ETV6: variants seen among roughly 807,000 people sequenced by gnomAD.
The protein encoded by ETV6 is transcription factor ETV6.
Under a neutral mutation model 51.1 loss-of-function variants are expected in ETV6, and 16 were observed. The ratio of observed to expected loss-of-function variants is 0.31; its 90% CI spans 0.21 to 0.48. The LOEUF (loss-of-function observed/expected upper bound fraction) is 0.48. Ranked by LOEUF, ETV6 falls within the 20% of genes least tolerant of loss-of-function variation. The pLI is 0.99. For synonymous variants in ETV6, 240 were observed against 224.1 expected (o/e 1.07, Z -0.64); for missense variants, 458 against 594.8 (o/e 0.77, Z 2.39).
Position 11,892,001 on chromosome 12 carries a change from G to C in ETV6, c.*955G>C, listed in dbSNP as rs571980166. ...CTGTCCAAGTTATTTGGAAGGCCTCGGCAGCTTGGGATTAGCTTGGGAGCG... is the reference window on the plus strand; with the variant it reads ...CTGTCCAAGTTATTTGGAAGGCCTCCGCAGCTTGGGATTAGCTTGGGAGCG... On this transcript the variant is annotated 3_prime_UTR_variant, in exon 8 of 8. Transcript: ENST00000396373. 8.6e-6 allele frequency: 2 copies of C among 233,756 alleles called. No individual in the cohort carries two copies. The highest frequency in any genetic ancestry group is 1.8e-4 in the South Asian group (1 of 5,634). The allele number at this position is 233,756 out of a possible 1,614,324, so 14.5% of individuals were successfully genotyped here. A position where few individuals can be genotyped will look rare whatever the true frequency, so the allele number is the denominator to read the frequency against.
intron 1 of ETV6, among the ~76,000 whole-genome samples, chr12:11,737,282 C>T (rs1865721841): frequency 2.0e-5 from 3 of 152,146 alleles, no homozygotes; most frequent in African/African-American, 7.2e-5. Context: ...TGAATAGGGG[C>T]ACCTGCAGCT....
At position 11,893,839 on chromosome 12, in the gene ETV6, T is replaced by TAC. The variant is rs1268085289; in HGVS notation, c.*2794_*2795insCA. On this transcript the variant is annotated 3_prime_UTR_variant, in exon 8 of 8. Coordinates refer to ENST00000396373, the MANE Select transcript of ETV6 (RefSeq NM_001987.5). Reference sequence around the variant, plus strand: ...ATATATATATATATATATATATATATATACACACACACACACATACACAAA... The same window carrying TAC: ...ATATATATATATATATATATATATATACATACACACACACACACATACACAAA... 2.7e-4 allele frequency: 14 copies of TAC among 51,320 alleles called. No individual in the cohort carries two copies. The highest frequency in any genetic ancestry group is 1.0e-3 in the African/African-American group (12 of 11,962). 3.2% of individuals were successfully genotyped at this position (51,320 alleles called of 1,614,324 possible). A position where few individuals can be genotyped will look rare whatever the true frequency, so the allele number is the denominator to read the frequency against.
intron 1 of ETV6, among the ~76,000 whole-genome samples, chr12:11,670,809 T>C (rs12305611): frequency 0.029 from 4,397 of 152,312 alleles, 233 homozygotes; most frequent in African/African-American, 0.1. Flanking sequence ...AATATTATTC[T>C]ACCTAAAGCA....
At chr12:11,833,272 A>G (rs752934456) in intron 2 of ETV6, among the ~76,000 whole-genome samples, 9 of 152,186 alleles carry the variant, frequency 5.9e-5, no homozygotes, top group African/African-American at 9.7e-5. Flanking sequence ...CACTAGTTTT[A>G]TGTCATCTGA....
At chr12:11,685,339 GA>G (rs1424808118) in intron 1 of ETV6, among the ~76,000 whole-genome samples, 4 of 149,932 alleles carry the variant, frequency 2.7e-5, no homozygotes, top group East Asian at 1.9e-4. Flanking sequence ...AAAAAAAAAG[GA>G]AAAAAAGAAA....
chr12:11,655,350 A>C (rs146918359), intron 1 of ETV6, among the ~76,000 whole-genome samples: 36 of 152,298 alleles, frequency 2.4e-4, no homozygotes, highest in African/African-American at 7.7e-4. Context: ...TATTTGTTGA[A>C]TAGAATGAGT....
chr12:11,689,561 C>T (rs978016669), intron 1 of ETV6, among the ~76,000 whole-genome samples: 2 of 152,082 alleles, frequency 1.3e-5, no homozygotes, highest in African/African-American at 2.4e-5. Context: ...GGCAAGCTTC[C>T]GTGAGCAGAT....
chr12:11,655,933 C>T (rs879730814), intron 1 of ETV6, among the ~76,000 whole-genome samples: 6 of 152,286 alleles, frequency 3.9e-5, no homozygotes, highest in South Asian at 2.1e-4. Flanking sequence ...TAAAGGTGTT[C>T]GTCTGCTGTT....
rs529597368 is a variant in ETV6 at position 11,893,877 on chromosome 12, C to CA, written c.*2840dup. 326 of 153,890 alleles carry CA rather than the reference C, an allele frequency of 2.1e-3. 8 individuals are homozygous for CA. The highest frequency in any genetic ancestry group is 7.8e-3 in the African/African-American group (269 of 34,282). The allele number at this position is 153,890 out of a possible 1,614,324, so 9.5% of individuals were successfully genotyped here. On this transcript the variant is annotated 3_prime_UTR_variant, in exon 8 of 8. Coordinates refer to ENST00000396373, the MANE Select transcript of ETV6 (RefSeq NM_001987.5). ...ACACATACACAAATATTCCAGGATA[C>CA]AAAAAAAAACATTTAAAAATCCGAG... is the stretch of plus-strand genomic sequence containing the variant.
intron 1 of ETV6, among the ~76,000 whole-genome samples, chr12:11,680,562 A>G (rs1864505663): frequency 1.3e-5 from 2 of 152,224 alleles, no homozygotes; most frequent in African/African-American, 4.8e-5. Flanking sequence ...TCTTACAGCC[A>G]AGGATTAACT....
At chr12:11,796,219 G>T (rs1421712580) in intron 2 of ETV6, among the ~76,000 whole-genome samples, 1 of 152,102 alleles carries the variant, frequency 6.6e-6, no homozygotes, top group Non-Finnish European at 1.5e-5. Context: ...GACTAGTTAT[G>T]ATGCATTTGA....
chr12:11,756,421 A>AT (rs928258530), intron 2 of ETV6, among the ~76,000 whole-genome samples: 3 of 152,122 alleles, frequency 2.0e-5, no homozygotes, highest in East Asian at 1.9e-4. Context: ...AGGGTACTGA[A>AT]TTTTTTTTGA....
intron 1 of ETV6, among the ~76,000 whole-genome samples, chr12:11,670,374 A>T (rs1188122168): frequency 6.6e-6 from 1 of 152,264 alleles, no homozygotes; most frequent in Non-Finnish European, 1.5e-5. Context: ...TAAGAAACTC[A>T]GTTTGAGGCT....
rs74639370 is a variant in ETV6 at position 11,678,988 on chromosome 12, A to T, written c.33+28828A>T. Among the ~76,000 whole-genome samples the T allele has an allele frequency of 7.2e-5, 11 of 152,278 alleles. No individual in the cohort carries two copies. In the East Asian group the frequency reaches 2.1e-3, roughly 29 times the overall value. Reference sequence around the variant, plus strand: ...AGACTGCTTTACTGTTCAGGAGCTAATCTCTCCGGAAACACCCTCCTAGAC... The same window carrying T: ...AGACTGCTTTACTGTTCAGGAGCTATTCTCTCCGGAAACACCCTCCTAGAC... On this transcript the variant is annotated intron_variant, in intron 1 of 7. Transcript: ENST00000396373.
chr12:11,799,326 C>T lies in ETV6; in HGVS notation c.164-39814C>T, dbSNP rs111532236. ...GCCTTCCCGGTGCTTTCCTAGGGCT[C>T]CTAAAAACAGTCACTGTCACATTAT... On this transcript the variant is annotated intron_variant, in intron 2 of 7. Coordinates refer to ENST00000396373, the MANE Select transcript of ETV6 (RefSeq NM_001987.5). 3.6e-3 allele frequency among the ~76,000 whole-genome samples: 545 copies of T among 152,310 alleles called. 3 individuals carry two copies. Among genetic ancestry groups the T allele is most frequent in the African/African-American group, 0.012 (499 of 41,560 alleles).
Position 11,658,570 on chromosome 12 carries a change from G to T in ETV6, c.33+8410G>T, listed in dbSNP as rs75414716. ...GATGTTAATGGCCTTGCTCAAGCTC[G>T]TGTGGCTAGTTGGTGGTGCCATCTG... On this transcript the variant is annotated intron_variant, in intron 1 of 7. Transcript: ENST00000396373. 2.6e-5 allele frequency among the ~76,000 whole-genome samples: 4 copies of T among 152,202 alleles called. No homozygotes were observed. In the East Asian group the frequency reaches 5.8e-4, roughly 22 times the overall value.
At chr12:11,756,511 A>T (rs530484681) in intron 2 of ETV6, among the ~76,000 whole-genome samples, 1 of 152,206 alleles carries the variant, frequency 6.6e-6, no homozygotes, top group Admixed American at 6.5e-5. Flanking sequence ...AAGGAACATA[A>T]GCTTTTCATT....
intron 5 of ETV6, among the ~76,000 whole-genome samples, chr12:11,873,427 A>T (rs145026082): frequency 1.6e-4 from 24 of 152,208 alleles, no homozygotes; most frequent in Admixed American, 1.5e-3. Context: ...TGTACAACGT[A>T]AAAGTTCTGT....
chr12:11,780,355 A>G (rs960661250), intron 2 of ETV6, among the ~76,000 whole-genome samples: 2 of 152,224 alleles, frequency 1.3e-5, no homozygotes, highest in African/African-American at 4.8e-5. Context: ...CCCTGGGACA[A>G]CAGCAAATAT....
Sources: gnomAD v4.1 joint callset for allele counts (sites outside exome capture counted in the v4.1 genomes callset) on GRCh38, gnomAD v4.1.1 for gene constraint, MANE v1.5 for transcripts, NCBI Gene and HGNC (gene_info 2026-07-23, HGNC 2026-07-21) for gene names.